PAK5: variants seen among roughly 807,000 people sequenced by gnomAD.
The protein encoded by PAK5 is serine/threonine-protein kinase PAK 5.
A neutral mutation model predicts 65.9 loss-of-function variants in PAK5; 16 were observed. The observed-to-expected ratio is 0.24, with a 90% CI of 0.16 to 0.37. PAK5 has a LOEUF of 0.37. Among genes scored for constraint, PAK5 ranks in the 10% least tolerant of loss-of-function variants. The pLI, the probability that PAK5 is intolerant of heterozygous loss-of-function variation, is 1.00. For missense variants in PAK5, 785 were observed against 903.9 expected, an observed-to-expected ratio of 0.87 and a Z score of 1.69; for synonymous variants, 371 against 354.9, an observed-to-expected ratio of 1.05 and a Z score of -0.51.
In PAK5 at chr20:9,580,408, T is replaced by A; in HGVS notation, c.727A>T (p.Ser243Cys). ...QFTPSRTAGT[S>C]GCSKESLAYS... ...GCCAGGCTCTCCTTGGAGCACCCGC[T>A]GGTCCCTGCAGTTCTAGAAGGTGTG... Residue 243 changes from serine to cysteine, a missense_variant, in exon 4 of 10, where the codon AGC becomes TGC. Coordinates refer to ENST00000353224, the MANE Select transcript of PAK5 (RefSeq NM_177990.4). The A allele has an allele frequency of 5.6e-6, 9 of 1,614,110 alleles. No homozygotes were observed. The highest frequency in any genetic ancestry group is 7.6e-6 in the Non-Finnish European group (9 of 1,180,022).
chr20:9,586,597 T>C (rs1365996101), intron 3 of PAK5, among the ~76,000 whole-genome samples: 5 of 152,156 alleles, frequency 3.3e-5, no homozygotes, highest in African/African-American at 1.2e-4. Flanking sequence ...TAGAGCTTTT[T>C]CAGTCATTAA....
intron 3 of PAK5, among the ~76,000 whole-genome samples, chr20:9,598,938 C>T (rs926278886): frequency 3.3e-5 from 5 of 152,216 alleles, no homozygotes; most frequent in African/African-American, 1.2e-4. Context: ...AGTCAATCCA[C>T]AGTGTTGTAC....
chr20:9,632,752 T>C (rs1482657263), intron 3 of PAK5, among the ~76,000 whole-genome samples: 1 of 152,202 alleles, frequency 6.6e-6, no homozygotes, highest in Non-Finnish European at 1.5e-5. Flanking sequence ...AGTTACACAA[T>C]CTACAAGGTG....
At chr20:9,679,936 C>A (rs1276633166) in intron 2 of PAK5, among the ~76,000 whole-genome samples, 1 of 152,166 alleles carries the variant, frequency 6.6e-6, no homozygotes, top group Non-Finnish European at 1.5e-5. Context: ...ATAGCAGGTC[C>A]TCTGGGTTCT....
At chr20:9,636,062 T>C (rs2046979899) in intron 3 of PAK5, among the ~76,000 whole-genome samples, 2 of 152,198 alleles carry the variant, frequency 1.3e-5, no homozygotes, top group African/African-American at 4.8e-5. Context: ...ACATCAGTTA[T>C]GCGTAATTGA....
At chr20:9,792,567 T>C (rs1182101471) in intron 1 of PAK5, among the ~76,000 whole-genome samples, 1 of 152,174 alleles carries the variant, frequency 6.6e-6, no homozygotes, top group African/African-American at 2.4e-5. Context: ...GGCAGACACA[T>C]CTCTGAACAC....
At chr20:9,698,732 G>A (rs1242807054) in intron 2 of PAK5, among the ~76,000 whole-genome samples, 3 of 152,114 alleles carry the variant, frequency 2.0e-5, no homozygotes, top group African/African-American at 7.2e-5. Flanking sequence ...GGACTGCACT[G>A]CTGTCTATAA....
chr20:9,828,275 C>G (rs1334636372), intron 1 of PAK5, among the ~76,000 whole-genome samples: 2 of 152,162 alleles, frequency 1.3e-5, no homozygotes, highest in Non-Finnish European at 2.9e-5. Context: ...CTACTTAACT[C>G]AAGGCGTGAA....
intron 1 of PAK5, among the ~76,000 whole-genome samples, chr20:9,712,476 TC>T (rs2048089749): frequency 6.6e-6 from 1 of 152,082 alleles, no homozygotes; most frequent in South Asian, 2.1e-4. Context: ...AGCAATCTTA[TC>T]AAAATATTAA....
intron 1 of PAK5, among the ~76,000 whole-genome samples, chr20:9,730,738 C>T (rs905585477): frequency 1.3e-5 from 2 of 152,168 alleles, no homozygotes; most frequent in African/African-American, 4.8e-5. Context: ...CCACTATTAG[C>T]CCAAGCAAGT....
At chr20:9,655,314 C>T (rs2047252124) in intron 2 of PAK5, among the ~76,000 whole-genome samples, 1 of 152,100 alleles carries the variant, frequency 6.6e-6, no homozygotes, top group Admixed American at 6.5e-5. Flanking sequence ...AGTTTCAAAT[C>T]CAGACCATTT....
chr20:9,800,422 T>C (rs1437660801), intron 1 of PAK5, among the ~76,000 whole-genome samples: 1 of 152,154 alleles, frequency 6.6e-6, no homozygotes, highest in East Asian at 1.9e-4. Flanking sequence ...TTTATGACCA[T>C]TTATTGTGGC....
chr20:9,611,735 G>A (rs557904040), intron 3 of PAK5, among the ~76,000 whole-genome samples: 44 of 152,208 alleles, frequency 2.9e-4, no homozygotes, highest in African/African-American at 9.4e-4. Flanking sequence ...AGAAGACAGT[G>A]GAAAAAGTTT....
rs567969359 is a variant in PAK5 at position 9,804,978 on chromosome 20, T to C, written c.-162+33784A>G. 4.1e-4 allele frequency among the ~76,000 whole-genome samples: 63 copies of C among 152,276 alleles called. No individual in the cohort carries two copies. The South Asian group carries it at 0.012, about 30-fold the overall frequency. ...GGGATAAAATAATGCTAATATTATA[T>C]CTGATAATGGTCTAGTATCCAGAAT... On this transcript the variant is annotated intron_variant, in intron 1 of 9. Coordinates refer to ENST00000353224, the MANE Select transcript of PAK5 (RefSeq NM_177990.4).
intron 2 of PAK5, among the ~76,000 whole-genome samples, chr20:9,702,112 A>T (rs1266647036): frequency 1.3e-5 from 2 of 152,178 alleles, no homozygotes; most frequent in Non-Finnish European, 2.9e-5. Context: ...AAATGACACC[A>T]GAGAAATGAT....
In PAK5 at chr20:9,630,896, A is replaced by G. The variant is rs575420462; in HGVS notation, c.204+13229T>C. Among the ~76,000 whole-genome samples, 17 of 152,172 alleles carry G rather than the reference A, an allele frequency of 1.1e-4. 1 individual carries two copies. Among genetic ancestry groups the G allele is most frequent in the African/African-American group, 3.6e-4 (15 of 41,510 alleles). On this transcript the variant is annotated intron_variant, in intron 3 of 9. Transcript: ENST00000353224. Reference sequence around the variant, plus strand: ...TTGAATCAGAATTTTTACACCGGTTATCCTGTGCTGTCCCACCATTACATG... The same window carrying G: ...TTGAATCAGAATTTTTACACCGGTTGTCCTGTGCTGTCCCACCATTACATG...
chr20:9,834,321 C>G (rs1978977610), intron 1 of PAK5, among the ~76,000 whole-genome samples: 1 of 152,114 alleles, frequency 6.6e-6, no homozygotes, highest in African/African-American at 2.4e-5. Context: ...TTCAAAACTA[C>G]AAAAAGGGCT....
Position 9,585,794 on chromosome 20 carries a change from G to A in PAK5, c.205-4864C>T, listed in dbSNP as rs190985465. ...AACGAAAACACTGCCTTCAGTGGAC[G>A]GAAATTTGTAAATATGATATGAATT... On this transcript the variant is annotated intron_variant, in intron 3 of 9. Transcript: ENST00000353224. Among the ~76,000 whole-genome samples, 312 of 152,194 alleles carry A rather than the reference G, an allele frequency of 2.1e-3. 2 individuals are homozygous for A. Among genetic ancestry groups the A allele is most frequent in the African/African-American group, 7.0e-3 (290 of 41,512 alleles).
intron 1 of PAK5, among the ~76,000 whole-genome samples, chr20:9,831,631 C>A (rs1978723643): frequency 6.6e-6 from 1 of 152,188 alleles, no homozygotes; most frequent in Non-Finnish European, 1.5e-5. Flanking sequence ...CCTCAGCCTC[C>A]TGAGTAGCTG....
Sources: allele counts gnomAD v4.1 joint callset (sites outside exome capture counted in the v4.1 genomes callset), GRCh38; gene constraint gnomAD v4.1.1; transcripts MANE v1.5; gene names NCBI Gene and HGNC (gene_info 2026-07-23, HGNC 2026-07-21).